Variants in EFCAB13 observed in about 807,000 individuals in gnomAD.
EFCAB13 encodes the protein EF-hand calcium binding domain 13.
In EFCAB13, 91 loss-of-function variants were observed where a neutral mutation model predicts 110.2. The observed-to-expected ratio is 0.83, with a 90% CI of 0.70 to 0.98. EFCAB13 has a LOEUF of 0.98. Among genes scored for constraint, EFCAB13 ranks in the 50% least tolerant of loss-of-function variants. The pLI, the probability that EFCAB13 is intolerant of heterozygous loss-of-function variation, is 0.00. For missense variants in EFCAB13, 968 were observed against 1,119.4 expected (o/e 0.86, Z 1.93); for synonymous variants, 323 against 369.9 (o/e 0.87, Z 1.45).
In EFCAB13 at chr17:47,440,911, G is replaced by A. The variant is rs865885101; in HGVS notation, c.*197G>A. ...CTTTTTAAACATTCATGCTTTTTGA[G>A]GTATAATGTACATATGGCAAAATTC... On this transcript the variant is annotated 3_prime_UTR_variant, in exon 25 of 25. Coordinates refer to ENST00000331493, the MANE Select transcript of EFCAB13 (RefSeq NM_152347.5). The A allele has an allele frequency of 1.4e-5, 6 of 433,678 alleles. No individual in the cohort carries two copies. The highest frequency in any genetic ancestry group is 8.4e-5 in the South Asian group (2 of 23,730). 26.9% of individuals were successfully genotyped at this position (433,678 alleles called of 1,614,324 possible).
intron 10 of EFCAB13, 136 bp downstream of exon 10, chr17:47,361,657 C>A: frequency 1.5e-6 from 1 of 647,640 alleles, no homozygotes; most frequent in Non-Finnish European, 2.4e-6. Flanking sequence ...GCCATTGACA[C>A]TGTTTACTGG....
chr17:47,396,047 ATTGTATCT>A, intron 17 of EFCAB13, 70 bp downstream of exon 17: 1 of 1,388,610 alleles, frequency 7.2e-7, no homozygotes, highest in Non-Finnish European at 9.7e-7. Context: ...AACTCTTGTC[ATTGTATCT>A]TGTACTTGGC....
At chr17:47,423,583 G>A (rs898756245) in intron 23 of EFCAB13, 4 of 330,646 alleles carry the variant, frequency 1.2e-5, no homozygotes. Context: ...CTTTGTGCCC[G>A]GTCCTGGGAA....
intron 14 of EFCAB13, among the ~76,000 whole-genome samples, chr17:47,389,746 G>A (rs944750844): frequency 3.3e-5 from 5 of 152,118 alleles, no homozygotes; most frequent in African/African-American, 9.7e-5. Context: ...ATGTATAGAA[G>A]CTGAGCTGAT....
chr17:47,400,857 CTTAA>C (rs1486242149), intron 17 of EFCAB13, among the ~76,000 whole-genome samples: 1 of 152,192 alleles, frequency 6.6e-6, no homozygotes, highest in Non-Finnish European at 1.5e-5. Flanking sequence ...ATTGAAGACA[CTTAA>C]TTAAGAGCGT....
In EFCAB13 at chr17:47,379,256, A is replaced by G; in HGVS notation, c.1582+3A>G. 1 of 1,610,706 alleles carries G rather than the reference A, an allele frequency of 6.2e-7. No individual in the cohort carries two copies. Among genetic ancestry groups the G allele is most frequent in the Non-Finnish European group, 8.5e-7 (1 of 1,177,204 alleles). On this transcript the variant is annotated splice_donor_region_variant and intron_variant, in intron 14 of 24. Coordinates refer to ENST00000331493, the MANE Select transcript of EFCAB13 (RefSeq NM_152347.5). ...GCGAAGTTTTCCTGAATGCAATGGT[A>G]GGTAGGAAATTTGTTTTAAAATGAT...
rs1373420968 is a variant in EFCAB13 at position 47,440,485 on chromosome 17, C to A, written c.2693C>A (p.Thr898Lys). ...EFMTKLSDIL[T>K]IPKAAGKFYL... is the part of the protein sequence containing the mutation. ...ATGACTAAATTATCCGATATATTGA[C>A]AATTCCTAAAGCTGCAGGTAAGTTT... The change falls in exon 25 of 25, where the codon ACA becomes AAA. Residue 898 changes from threonine (T) to lysine (K), a missense_variant. Thr to Lys is a moderately conservative substitution (Grantham distance 78). Transcript: ENST00000331493. The A allele has an allele frequency of 2.5e-6, 4 of 1,609,800 alleles. No individual in the cohort carries two copies. Among genetic ancestry groups the A allele is most frequent in the Non-Finnish European group, 2.5e-6 (3 of 1,178,662 alleles).
At position 47,407,367 on chromosome 17, in the gene EFCAB13, G is replaced by A. The variant is rs980451227; in HGVS notation, c.2234-2280G>A. On this transcript the variant is annotated intron_variant, in intron 20 of 24. Transcript: ENST00000331493. ...AGTAGAGTTATAGAAAATTATCAGAGTGGAGAATGGACCACTCTAAATATT... is the reference window on the plus strand; with the variant it reads ...AGTAGAGTTATAGAAAATTATCAGAATGGAGAATGGACCACTCTAAATATT... 7.9e-5 allele frequency among the ~76,000 whole-genome samples: 12 copies of A among 152,296 alleles called. No homozygotes were observed. The East Asian group carries it at 2.3e-3, about 29-fold the overall frequency.
chr17:47,364,808 G>T (rs1317752453), intron 10 of EFCAB13, among the ~76,000 whole-genome samples: 3 of 152,182 alleles, frequency 2.0e-5, no homozygotes, highest in Admixed American at 6.5e-5. Context: ...TTTTAGTGTG[G>T]TTTACAGGGC....
intron 20 of EFCAB13, among the ~76,000 whole-genome samples, chr17:47,408,852 C>A (rs915213014): frequency 6.6e-6 from 1 of 152,042 alleles, no homozygotes; most frequent in South Asian, 2.1e-4. Context: ...CTTGCCCCCC[C>A]CAATAATTAT....
rs117930989 is a variant in EFCAB13, at chr17:47,385,875, A to G, written c.1583-5562A>G. Among the ~76,000 whole-genome samples, 654 of 152,294 alleles carry G rather than the reference A, an allele frequency of 4.3e-3. 19 individuals are homozygous for G. In the East Asian group the frequency reaches 0.066, roughly 15 times the overall value. ...TCTGTTTGTTACTTTTTCTTCTAAC[A>G]GTCATGCCCGTCTTCTGCAGGTCTG... On this transcript the variant is annotated intron_variant, in intron 14 of 24. Transcript: ENST00000331493.
intron 15 of EFCAB13, among the ~76,000 whole-genome samples, chr17:47,393,560 A>C (rs78563789): frequency 0.017 from 2,538 of 152,128 alleles, 31 homozygotes; most frequent in Non-Finnish European, 0.022. Flanking sequence ...TCTCCTAAAA[A>C]TATGAAAATT....
In EFCAB13 at chr17:47,364,163, C is replaced by G. The variant is rs951753261; in HGVS notation, c.805+2642C>G. 9.3e-4 allele frequency among the ~76,000 whole-genome samples: 141 copies of G among 152,254 alleles called. 1 individual carries two copies. The highest frequency in any genetic ancestry group is 3.3e-3 in the African/African-American group (136 of 41,552). On this transcript the variant is annotated intron_variant, in intron 10 of 24. Transcript: ENST00000331493. Reference sequence around the variant, plus strand: ...TTATCACAGTGCTTGGCACCTAGAACAGACAGAAGGGTGAGGCAGAAACCT... The same window carrying G: ...TTATCACAGTGCTTGGCACCTAGAAGAGACAGAAGGGTGAGGCAGAAACCT...
intron 9 of EFCAB13, 139 bp from the exon 10 acceptor site, chr17:47,361,239 G>C (rs1309057269): frequency 1.5e-6 from 1 of 687,678 alleles, no homozygotes; most frequent in African/African-American, 1.8e-5. Flanking sequence ...TTATATCAGT[G>C]GTTTGCTTGT....
chr17:47,388,367 T>G (rs2065687988), intron 14 of EFCAB13, among the ~76,000 whole-genome samples: 1 of 152,166 alleles, frequency 6.6e-6, no homozygotes, highest in African/African-American at 2.4e-5. Flanking sequence ...CCTTTTTTCT[T>G]AACATCTGCT....
intron 17 of EFCAB13, among the ~76,000 whole-genome samples, chr17:47,398,868 A>C (rs2065763489): frequency 1.3e-5 from 2 of 152,140 alleles, no homozygotes; most frequent in South Asian, 4.1e-4. Context: ...TAAATAAATA[A>C]ATAAAATAAC....
At chr17:47,370,940 A>G (rs969951214) in intron 11 of EFCAB13, among the ~76,000 whole-genome samples, 6 of 151,058 alleles carry the variant, frequency 4.0e-5, no homozygotes, top group African/African-American at 1.5e-4. Context: ...AGGGTTCACC[A>G]TGTTGGTCAG....
chr17:47,404,096 T>C (rs1207968727), intron 19 of EFCAB13, 75 bp downstream of exon 19: 1 of 1,157,392 alleles, frequency 8.6e-7, no homozygotes, highest in Non-Finnish European at 1.2e-6. Context: ...TATAGGTATT[T>C]GCTTATGTTA....
At chr17:47,339,277 G>T (rs767822909) in intron 5 of EFCAB13, among the ~76,000 whole-genome samples, 4 of 152,064 alleles carry the variant, frequency 2.6e-5, no homozygotes, top group Non-Finnish European at 4.4e-5. Context: ...TTATTGTTGT[G>T]TAGTTTATGG....
Sources: gnomAD v4.1 joint callset for allele counts (sites outside exome capture counted in the v4.1 genomes callset) on GRCh38, gnomAD v4.1.1 for gene constraint, MANE v1.5 for transcripts, NCBI Gene and HGNC (gene_info 2026-07-23, HGNC 2026-07-21) for gene names.